The following GNG12 variants were observed in gnomAD, a reference collection of about 807,000 sequenced individuals.
The protein encoded by GNG12 is G protein subunit gamma 12, also known as guanine nucleotide-binding protein G(I)/G(S)/G(O) subunit gamma-12.
For synonymous variants in GNG12, 28 were observed against 29.7 expected (o/e 0.94, Z 0.19); for missense variants, 69 against 83.8 (o/e 0.82, Z 0.69).
chr1:67,802,816 C>T (rs1646874285), intron 1 of GNG12, among the ~76,000 whole-genome samples: 1 of 152,134 alleles, frequency 6.6e-6, no homozygotes, highest in Admixed American at 6.6e-5. Context: ...CCTGCTATAG[C>T]AAAGCTGGGT....
At chr1:67,726,049 T>C (rs191577792) in intron 2 of GNG12, among the ~76,000 whole-genome samples, 1 of 152,216 alleles carries the variant, frequency 6.6e-6, no homozygotes, top group Non-Finnish European at 1.5e-5. Flanking sequence ...TGAAGTGGAA[T>C]GGAGTAGGAG....
intron 2 of GNG12, among the ~76,000 whole-genome samples, chr1:67,762,122 C>T (rs957693578): frequency 3.3e-5 from 5 of 152,322 alleles, no homozygotes; most frequent in East Asian, 1.9e-4. Context: ...GGCAAGCTCT[C>T]ACTGAACTTT....
At chr1:67,729,748 T>C (rs1169357691) in intron 2 of GNG12, among the ~76,000 whole-genome samples, 3 of 152,192 alleles carry the variant, frequency 2.0e-5, no homozygotes, top group Middle Eastern at 6.3e-3. Flanking sequence ...TACTACTAAT[T>C]GGCTTTCCAT....
At chr1:67,796,835 C>G (rs1219340762) in intron 1 of GNG12, among the ~76,000 whole-genome samples, 1 of 152,116 alleles carries the variant, frequency 6.6e-6, no homozygotes, top group Non-Finnish European at 1.5e-5. Context: ...GTTCTGCAGA[C>G]TGTATAAGAA....
rs553950285 is a variant in GNG12 at position 67,724,748 on chromosome 1, A to G, written c.-26-17036T>C. Among the ~76,000 whole-genome samples, 6 of 152,360 alleles carry G rather than the reference A, an allele frequency of 3.9e-5. No individual in the cohort carries two copies. The South Asian group carries it at 6.2e-4, about 16-fold the overall frequency. Reference sequence around the variant, plus strand: ...AAATGCATCTACAGTGATAGAAACTATAAGAGTACAGAGTGGGTGGGGATA... The same window carrying G: ...AAATGCATCTACAGTGATAGAAACTGTAAGAGTACAGAGTGGGTGGGGATA... On this transcript the variant is annotated intron_variant, in intron 2 of 3. Coordinates refer to ENST00000370982, the MANE Select transcript of GNG12 (RefSeq NM_018841.6).
chr1:67,780,681 A>C (rs1368291038), intron 1 of GNG12, among the ~76,000 whole-genome samples: 1 of 152,170 alleles, frequency 6.6e-6, no homozygotes, highest in South Asian at 2.1e-4. Flanking sequence ...GCAAGTTTTG[A>C]CTTCATCTTT....
At chr1:67,750,631 G>T (rs1221128790) in intron 2 of GNG12, among the ~76,000 whole-genome samples, 1 of 152,160 alleles carries the variant, frequency 6.6e-6, no homozygotes, top group East Asian at 1.9e-4. Flanking sequence ...TTACAAATCG[G>T]CAGGGTTTCA....
intron 1 of GNG12, among the ~76,000 whole-genome samples, chr1:67,783,911 T>C (rs1202880246): frequency 7.3e-5 from 11 of 149,892 alleles, no homozygotes; most frequent in African/African-American, 2.7e-4. Flanking sequence ...AGTGTGGCGA[T>C]TCCTCAGGGA....
intron 2 of GNG12, among the ~76,000 whole-genome samples, chr1:67,720,030 C>G (rs1183042166): frequency 6.6e-6 from 1 of 152,218 alleles, no homozygotes; most frequent in Non-Finnish European, 1.5e-5. Flanking sequence ...ATACACCTTG[C>G]TGCTCCTTCC....
intron 2 of GNG12, among the ~76,000 whole-genome samples, chr1:67,749,274 T>G (rs1287171010): frequency 6.6e-6 from 1 of 152,202 alleles, no homozygotes; most frequent in Non-Finnish European, 1.5e-5. Flanking sequence ...CCTAAACCTC[T>G]GTTTTTTTCA....
Position 67,703,015 on chromosome 1 carries a change from A to T in GNG12, c.*2436T>A, listed in dbSNP as rs1443153287. On this transcript the variant is annotated 3_prime_UTR_variant, in exon 4 of 4. Transcript: ENST00000370982. ...CTTTGTAAGGAGAATAAAGCCTGAT[A>T]AAAAAAGTGACTTCTGCATATCATA... is the stretch of plus-strand genomic sequence containing the variant. The T allele has an allele frequency of 1.3e-5, 2 of 152,166 alleles. No homozygotes were observed. The highest frequency in any genetic ancestry group is 2.4e-5 in the African/African-American group (1 of 41,434). 9.4% of individuals were successfully genotyped at this position (152,166 alleles called of 1,614,324 possible).
intron 2 of GNG12, among the ~76,000 whole-genome samples, chr1:67,753,362 A>AC (rs1208421995): frequency 1.3e-5 from 2 of 151,972 alleles, no homozygotes; most frequent in East Asian, 3.9e-4. Flanking sequence ...TGAAAAAAAA[A>AC]AAACCTGAAA....
At chr1:67,744,038 C>T (rs868381754) in intron 2 of GNG12, among the ~76,000 whole-genome samples, 3 of 152,116 alleles carry the variant, frequency 2.0e-5, no homozygotes, top group African/African-American at 7.2e-5. Flanking sequence ...AAGGGCATTG[C>T]TTGAGTGATG....
intron 1 of GNG12, among the ~76,000 whole-genome samples, chr1:67,821,963 C>G (rs535836038): frequency 1.3e-5 from 2 of 151,842 alleles, no homozygotes. Flanking sequence ...AACTCAAGCT[C>G]TAAACCAGGG....
chr1:67,740,166 C>G (rs1240909815), intron 2 of GNG12, among the ~76,000 whole-genome samples: 2 of 152,146 alleles, frequency 1.3e-5, no homozygotes, highest in Non-Finnish European at 2.9e-5. Context: ...GTGCTACTCA[C>G]AGAGTATATA....
intron 2 of GNG12, among the ~76,000 whole-genome samples, chr1:67,754,349 G>A (rs1646555765): frequency 6.6e-6 from 1 of 152,114 alleles, no homozygotes; most frequent in South Asian, 2.1e-4. Flanking sequence ...CCAGCTCAGG[G>A]AGTGGCACTG....
intron 2 of GNG12, among the ~76,000 whole-genome samples, chr1:67,744,961 A>G (rs1646500366): frequency 6.6e-6 from 1 of 152,200 alleles, no homozygotes; most frequent in Admixed American, 6.5e-5. Context: ...CCTACTTGCT[A>G]TATGACTGAG....
intron 1 of GNG12, among the ~76,000 whole-genome samples, chr1:67,803,588 T>A (rs1287924886): frequency 1.3e-5 from 2 of 152,194 alleles, no homozygotes; most frequent in East Asian, 3.8e-4. Flanking sequence ...ATAATGAGTG[T>A]GTACAACATA....
At chr1:67,753,614 AT>A (rs1006849940) in intron 2 of GNG12, among the ~76,000 whole-genome samples, 1 of 152,222 alleles carries the variant, frequency 6.6e-6, no homozygotes, top group African/African-American at 2.4e-5. Context: ...CATGAAAAGC[AT>A]TCACAGCTCA....
Sources: allele counts gnomAD v4.1 joint callset (sites outside exome capture counted in the v4.1 genomes callset), GRCh38; gene constraint gnomAD v4.1.1; transcripts MANE v1.5; gene names NCBI Gene and HGNC (gene_info 2026-07-23, HGNC 2026-07-21).